PANK2: variants seen among roughly 807,000 people sequenced by gnomAD.
The protein encoded by PANK2 is pantothenate kinase 2, mitochondrial.
Under a neutral mutation model 43.1 loss-of-function variants are expected in PANK2, and 36 were observed. That is an observed-to-expected ratio of 0.84 (90% CI 0.64 to 1.10). PANK2 has a LOEUF of 1.10. Ranked by LOEUF, PANK2 falls within the 50% of genes least tolerant of loss-of-function variation. The probability of loss-of-function intolerance (pLI) is 0.00; values close to 1 mark genes in which losing one functional copy is unlikely to be tolerated. For synonymous variants in PANK2, 281 were observed against 238.2 expected (o/e 1.18, Z -1.66); for missense variants, 576 against 593.3 (o/e 0.97, Z 0.30).
In PANK2 at chr20:3,895,278, AAAAT is replaced by A. The variant is rs765107934; in HGVS notation, c.298+5573_298+5576del. Among the ~76,000 whole-genome samples, 1,358 of 151,766 alleles carry A rather than the reference AAAAT, an allele frequency of 8.9e-3. 11 individuals carry two copies. Among genetic ancestry groups the A allele is most frequent in the Middle Eastern group, 0.02 (6 of 294 alleles). On this transcript the variant is annotated intron_variant, in intron 1 of 6. Coordinates refer to ENST00000610179, the MANE Select transcript of PANK2 (RefSeq NM_001386393.1). ...GACAGGGCGAGACTCCATCTCAAAT[AAAAT>A]AAATAAATAAATAAATAAATAATAA...
At position 3,907,951 on chromosome 20, in the gene PANK2, C is replaced by G. The variant is rs756145631; in HGVS notation, c.324C>G (p.Ile108Met). The change falls in exon 2 of 7, where the codon ATC becomes ATG. Residue 108 changes from isoleucine to methionine, a missense_variant. Physicochemically the swap from Ile to Met is conservative, Grantham distance 10. This residue lies in a region of PANK2 where 544 missense variants were observed against 528.9 expected (regional missense o/e 1.03). Transcript: ENST00000610179. ...TTTTTCCATGGTTTGGACTGGATAT[C>G]GGTGGAACTCTGGTCAAGCTGGTAT... is the stretch of plus-strand genomic sequence containing the variant. 2 of 1,614,114 alleles carry G rather than the reference C, an allele frequency of 1.2e-6. No individual in the cohort carries two copies. Among genetic ancestry groups the G allele is most frequent in the East Asian group, 2.2e-5 (1 of 44,882 alleles).
intron 4 of PANK2, among the ~76,000 whole-genome samples, chr20:3,915,051 C>T (rs544493607): frequency 5.3e-5 from 8 of 152,250 alleles, no homozygotes; most frequent in Non-Finnish European, 8.8e-5. Flanking sequence ...ATACATAATT[C>T]GCAAATGTTT....
rs111863748 is a variant in PANK2 at position 3,916,995 on chromosome 20, T to C, written c.1151T>C (p.Leu384Ser). 1 of 1,614,098 alleles carries C rather than the reference T, an allele frequency of 6.2e-7. No individual in the cohort carries two copies. Among genetic ancestry groups the C allele is most frequent in the Non-Finnish European group, 8.5e-7 (1 of 1,180,004 alleles). The change falls in exon 5 of 7, where the codon TTG (leucine) becomes TCG (serine). Residue 384 changes from leucine (L) to serine (S), a missense_variant. Around this residue, in one of 2 missense-constraint regions of PANK2, gnomAD observed 544 missense variants for 528.9 expected, o/e 1.03. Transcript: ENST00000610179. ...AAAGAGGACCTGGCCAGAGCGACTT[T>C]GATCACCATCACCAACAACATTGGC... is the stretch of plus-strand genomic sequence containing the variant.
Position 3,928,944 on chromosome 20 carries a change from G to A in PANK2, c.*5650G>A, listed in dbSNP as rs1026699244. On this transcript the variant is annotated 3_prime_UTR_variant, in exon 7 of 7. Transcript: ENST00000610179. ...GCTCACTGCAACTTCTGTCTCCCGGGTTCAATCAATTCTCCTGTCCCAGCC... is the reference window on the plus strand; with the variant it reads ...GCTCACTGCAACTTCTGTCTCCCGGATTCAATCAATTCTCCTGTCCCAGCC... 6.6e-6 allele frequency: 1 copy of A among 151,636 alleles called. No homozygotes were observed. The highest frequency in any genetic ancestry group is 2.4e-5 in the African/African-American group (1 of 41,286). The allele number at this position is 151,636 out of a possible 1,614,324, so 9.4% of individuals were successfully genotyped here.
intron 1 of PANK2, among the ~76,000 whole-genome samples, chr20:3,898,004 C>CA (rs201785513): frequency 4.0e-5 from 6 of 149,652 alleles, no homozygotes; most frequent in South Asian, 4.2e-4. Context: ...GACTCCATCT[C>CA]AAAAAAAAAA....
chr20:3,918,627 A>G, intron 5 of PANK2, 44 bp from the exon 6 acceptor site: 1 of 1,613,392 alleles, frequency 6.2e-7, no homozygotes, highest in Non-Finnish European at 8.5e-7. Flanking sequence ...ATGAGAAAAT[A>G]GAAATTAAGA....
At chr20:3,920,900 T>C (rs2090636420) in intron 6 of PANK2, among the ~76,000 whole-genome samples, 1 of 152,172 alleles carries the variant, frequency 6.6e-6, no homozygotes. Context: ...TAAGCCTTCG[T>C]GAAATTCTTG....
At chr20:3,888,858 C>T (rs1380145985), upstream of PANK2, 63 of 481,248 alleles carry the variant, frequency 1.3e-4, no homozygotes, top group East Asian at 2.0e-3. Context: ...GAGGGGCTGG[C>T]GGCCTCGACG....
At chr20:3,896,229 ATTTTTTTTTTTTT>A (rs35978823) in intron 1 of PANK2, among the ~76,000 whole-genome samples, 2 of 111,934 alleles carry the variant, frequency 1.8e-5, no homozygotes, top group Admixed American at 1.0e-4. Flanking sequence ...CGCCTGGCTA[ATTTTTTTTTTTTT>A]TTTTTTTTTG....
chr20:3,890,935 A>G (rs1466823722), intron 1 of PANK2, among the ~76,000 whole-genome samples: 2 of 152,224 alleles, frequency 1.3e-5, no homozygotes, highest in Admixed American at 6.5e-5. Flanking sequence ...GTTTGAAGCA[A>G]TGCAAAATAT....
rs2090749704 is a variant in PANK2, at chr20:3,927,948, A to G, written c.*4654A>G. ...GAGTACATCTTTGCATCTTGTAACA[A>G]TTTGGGCTCTACAGCTGAATTGGCA... On this transcript the variant is annotated 3_prime_UTR_variant, in exon 7 of 7. Transcript: ENST00000610179. 1 of 152,162 alleles carries G rather than the reference A, an allele frequency of 6.6e-6. No homozygotes were observed. The allele number at this position is 152,162 out of a possible 1,614,324, so 9.4% of individuals were successfully genotyped here.
At position 3,926,773 on chromosome 20, in the gene PANK2, C is replaced by T. The variant is rs1224467212; in HGVS notation, c.*3479C>T. ...TGGACAACATGGTGAAACCCCGTCT[C>T]TACTGAAAATACAAAAATAATTAGC... On this transcript the variant is annotated 3_prime_UTR_variant, in exon 7 of 7. Transcript: ENST00000610179. 2 of 152,074 alleles carry T rather than the reference C, an allele frequency of 1.3e-5. No homozygotes were observed. Among genetic ancestry groups the T allele is most frequent in the Admixed American group, 6.6e-5 (1 of 15,254 alleles). The allele number at this position is 152,074 out of a possible 1,614,324, so 9.4% of individuals were successfully genotyped here.
Position 3,910,600 on chromosome 20 carries a change from A to G in PANK2, c.675A>G (p.Lys225=), listed in dbSNP as rs2090453560. 1.2e-6 allele frequency: 2 copies of G among 1,613,940 alleles called. No homozygotes were observed. The stretch of plus-strand genomic sequence containing the variant: ...AGATAGGTGATCTTCAGCTTTGCAA[A>G]CTGGATGAACTAGATTGCTTGATCA... The change falls in exon 3 of 7, where the codon AAA becomes AAG. Residue 225 remains lysine, a synonymous_variant. Coordinates refer to ENST00000610179, the MANE Select transcript of PANK2 (RefSeq NM_001386393.1).
Position 3,889,673 on chromosome 20 carries a change from C to G in PANK2, c.243C>G (p.Ser81Arg). 1 of 1,591,152 alleles carries G rather than the reference C, an allele frequency of 6.3e-7. No individual in the cohort carries two copies. Among genetic ancestry groups the G allele is most frequent in the Non-Finnish European group, 8.5e-7 (1 of 1,177,036 alleles). ...GGCGGGATCGACTGGGCTCTTACAG[C>G]GGCCCCACCTCGGTCTCCCGCCAGC... The change falls in exon 1 of 7, where the codon AGC (serine) becomes AGG (arginine). Residue 81 changes from serine to arginine, a missense_variant. Transcript: ENST00000610179.
intron 1 of PANK2, chr20:3,901,490 T>G: frequency 1.3e-5 from 6 of 474,496 alleles, no homozygotes; most frequent in Non-Finnish European, 1.7e-5. Context: ...AAACTATCAC[T>G]TCTATATTCT....
At chr20:3,918,107 T>G (rs2090591131) in intron 5 of PANK2, among the ~76,000 whole-genome samples, 1 of 152,256 alleles carries the variant, frequency 6.6e-6, no homozygotes, top group African/African-American at 2.4e-5. Flanking sequence ...CTCATGAATT[T>G]TGACATTTAT....
intron 3 of PANK2, 104 bp downstream of exon 3, chr20:3,910,934 G>A (rs931278822): frequency 4.1e-5 from 58 of 1,402,054 alleles, no homozygotes; most frequent in Non-Finnish European, 5.7e-5. Flanking sequence ...AGGTGAAAGT[G>A]TTTCTGGATT....
At chr20:3,904,181 T>C (rs995471979) in intron 1 of PANK2, among the ~76,000 whole-genome samples, 2 of 152,052 alleles carry the variant, frequency 1.3e-5, no homozygotes, top group African/African-American at 4.8e-5. Flanking sequence ...ACCCTATTTT[T>C]GAGATTCATG....
Position 3,910,708 on chromosome 20 carries a change from G to A in PANK2, c.783G>A (p.Lys261=), listed in dbSNP as rs1445746823. The change falls in exon 3 of 7, where the codon AAG becomes AAA. Residue 261 remains lysine (K), a synonymous_variant. Transcript: ENST00000610179. Reference sequence around the variant, plus strand: ...TTGAAAACCCTGCTGATTCTGAAAAGTGTCAGAAGTTACCATTTGATTTGA... The same window carrying A: ...TTGAAAACCCTGCTGATTCTGAAAAATGTCAGAAGTTACCATTTGATTTGA... The A allele has an allele frequency of 6.2e-7, 1 of 1,614,060 alleles. No individual in the cohort carries two copies. The highest frequency in any genetic ancestry group is 1.7e-5 in the Admixed American group (1 of 60,002).
Sources: gnomAD v4.1 joint callset for allele counts (sites outside exome capture counted in the v4.1 genomes callset) on GRCh38, gnomAD v4.1.1 for gene constraint, gnomAD v4.1.1 regional missense constraint, MANE v1.5 for transcripts, NCBI Gene and HGNC (gene_info 2026-07-23, HGNC 2026-07-21) for gene names.